The following ARHGAP8 variants were observed in gnomAD, a reference collection of about 807,000 sequenced individuals.
The protein encoded by ARHGAP8 is rho GTPase-activating protein 8.
In ARHGAP8, 62 loss-of-function variants were observed where a neutral mutation model predicts 46.1. The observed-to-expected ratio is 1.34, with a 90% CI of 1.10 to 1.66. The LOEUF is 1.66. Among genes scored for constraint, ARHGAP8 ranks in the 40% most tolerant of loss-of-function variants. The pLI is 0.00. For missense variants in ARHGAP8, 923 were observed against 568.4 expected, an observed-to-expected ratio of 1.62 and a Z score of -6.34; for synonymous variants, 375 against 243.1, an observed-to-expected ratio of 1.54 and a Z score of -5.05.
At chr22:44,770,001 T>C (rs1044470388) in intron 1 of ARHGAP8, among the ~76,000 whole-genome samples, 5 of 152,000 alleles carry the variant, frequency 3.3e-5, no homozygotes, top group African/African-American at 1.2e-4. Flanking sequence ...ATGCCAGCAC[T>C]TTGGGAGGCC....
At position 44,845,786 on chromosome 22, in the gene ARHGAP8, G is replaced by T. The variant is rs367866545; in HGVS notation, c.670+444G>T. ...GGTGCAGTCAAGAACTTGGAGTGGG[G>T]TGAGCCTTGTGGGCTCTCCACAGCT... is the stretch of plus-strand genomic sequence containing the variant. On this transcript the variant is annotated intron_variant, in intron 8 of 11. Coordinates refer to ENST00000356099, the MANE Select transcript of ARHGAP8 (RefSeq NM_181335.3). 5.9e-5 allele frequency among the ~76,000 whole-genome samples: 9 copies of T among 152,180 alleles called. No individual in the cohort carries two copies. In the East Asian group the frequency reaches 1.3e-3, roughly 23 times the overall value.
chr22:44,791,231 T>C (rs1569146914), intron 2 of ARHGAP8, among the ~76,000 whole-genome samples: 2 of 152,032 alleles, frequency 1.3e-5, no homozygotes, highest in African/African-American at 2.4e-5. Context: ...TCCGTGTCAT[T>C]AGGGGGCTGT....
At chr22:44,781,128 C>T (rs1254144148) in intron 1 of ARHGAP8, among the ~76,000 whole-genome samples, 2 of 152,132 alleles carry the variant, frequency 1.3e-5, no homozygotes, top group African/African-American at 2.4e-5. Context: ...TAACCAGAGG[C>T]GATCTTAAGA....
chr22:44,777,792 C>T (rs1926530015), intron 1 of ARHGAP8, among the ~76,000 whole-genome samples: 1 of 152,074 alleles, frequency 6.6e-6, no homozygotes, highest in Non-Finnish European at 1.5e-5. Flanking sequence ...GCCTCCCGGG[C>T]TCAAGCGGTT....
intron 3 of ARHGAP8, among the ~76,000 whole-genome samples, chr22:44,806,043 G>A (rs1222238229): frequency 6.6e-6 from 1 of 152,174 alleles, no homozygotes; most frequent in African/African-American, 2.4e-5. Context: ...ACAAGGAGGC[G>A]CCCAGAGTGG....
intron 7 of ARHGAP8, among the ~76,000 whole-genome samples, chr22:44,826,030 C>T (rs896413974): frequency 2.6e-5 from 4 of 152,060 alleles, no homozygotes; most frequent in African/African-American, 9.7e-5. Context: ...TCCATCACTG[C>T]TGCCCCCTGC....
intron 10 of ARHGAP8, among the ~76,000 whole-genome samples, chr22:44,856,529 C>A (rs915722065): frequency 6.6e-6 from 1 of 152,096 alleles, no homozygotes; most frequent in Non-Finnish European, 1.5e-5. Context: ...CCGTCTCGGC[C>A]TTCCAAAGTG....
At chr22:44,847,448 C>T (rs940174597) in intron 8 of ARHGAP8, among the ~76,000 whole-genome samples, 1 of 152,212 alleles carries the variant, frequency 6.6e-6, no homozygotes, top group Non-Finnish European at 1.5e-5. Flanking sequence ...TCATATGAGG[C>T]TCATGCAATT....
chr22:44,806,299 G>A (rs889467140), intron 3 of ARHGAP8, among the ~76,000 whole-genome samples: 3 of 152,208 alleles, frequency 2.0e-5, no homozygotes, highest in African/African-American at 4.8e-5. Flanking sequence ...GTTCGAGACA[G>A]CACTCTGGAA....
At chr22:44,766,985 G>A (rs1413746451) in intron 1 of ARHGAP8, among the ~76,000 whole-genome samples, 1 of 152,308 alleles carries the variant, frequency 6.6e-6, no homozygotes, top group East Asian at 1.9e-4. Context: ...CCACTGCTTG[G>A]CTCCAAAACC....
At chr22:44,809,304 C>A in intron 4 of ARHGAP8, 1 of 423,024 alleles carries the variant, frequency 2.4e-6, no homozygotes, top group South Asian at 1.8e-5. Context: ...CACTTAAAAA[C>A]ATAAAAAGCC....
intron 11 of ARHGAP8, among the ~76,000 whole-genome samples, chr22:44,860,867 G>C (rs1382883213): frequency 6.6e-6 from 1 of 152,194 alleles, no homozygotes; most frequent in Non-Finnish European, 1.5e-5. Flanking sequence ...GGCTGTGCAG[G>C]GTGAGGAGAG....
At chr22:44,775,992 A>G (rs902665475) in intron 1 of ARHGAP8, among the ~76,000 whole-genome samples, 1 of 152,120 alleles carries the variant, frequency 6.6e-6, no homozygotes, top group Non-Finnish European at 1.5e-5. Context: ...CTGGTCACTC[A>G]TGGAGTGAGT....
chr22:44,826,535 C>T (rs545718046), intron 7 of ARHGAP8, among the ~76,000 whole-genome samples: 2 of 152,282 alleles, frequency 1.3e-5, no homozygotes, highest in Admixed American at 6.5e-5. Context: ...AGCTATTCTC[C>T]TGCCTTAGCC....
intron 2 of ARHGAP8, among the ~76,000 whole-genome samples, chr22:44,799,287 C>T (rs1928315184): frequency 6.6e-6 from 1 of 152,262 alleles, no homozygotes; most frequent in African/African-American, 2.4e-5. Context: ...CCCTCCTGGG[C>T]CTGTACCACT....
At chr22:44,838,415 C>T (rs112803382) in intron 7 of ARHGAP8, among the ~76,000 whole-genome samples, 4,602 of 152,164 alleles carry the variant, frequency 0.03, 97 homozygotes, top group African/African-American at 0.054. Flanking sequence ...GGACTACAGG[C>T]GTGAGCCACC....
At position 44,862,146 on chromosome 22, in the gene ARHGAP8, C is replaced by G. The variant is rs1003104213; in HGVS notation, c.982-129C>G. On this transcript the variant is annotated intron_variant, in intron 11 of 11. Transcript: ENST00000356099. Reference sequence around the variant, plus strand: ...AGGTGGCTGCACAGGGTCCCCATTACTGGCTGCCGGCTCCCAGTCCAGTGC... The same window carrying G: ...AGGTGGCTGCACAGGGTCCCCATTAGTGGCTGCCGGCTCCCAGTCCAGTGC... 4.7e-5 allele frequency: 54 copies of G among 1,154,764 alleles called. 1 individual carries two copies. In the South Asian group the frequency reaches 6.1e-4, roughly 13 times the overall value. The allele number at this position is 1,154,764 out of a possible 1,614,324, so 71.5% of individuals were successfully genotyped here. A position where few individuals can be genotyped will look rare whatever the true frequency, so the allele number is the denominator to read the frequency against.
chr22:44,760,366 A>C (rs867386513), intron 1 of ARHGAP8, among the ~76,000 whole-genome samples: 1 of 152,170 alleles, frequency 6.6e-6, no homozygotes, highest in African/African-American at 2.4e-5. Context: ...TGCCCCCATC[A>C]TTCCTGGACT....
chr22:44,786,439 T>C lies in ARHGAP8; in HGVS notation c.-71-18T>C, dbSNP rs1194136253. On this transcript the variant is annotated intron_variant, in intron 1 of 11. Transcript: ENST00000356099. The stretch of plus-strand genomic sequence containing the variant: ...TACTGGAGAATGCACTGACTTCCTT[T>C]AATCTTCTTTGCCGCAGAGCTGCAG... The C allele has an allele frequency of 6.5e-7, 1 of 1,543,438 alleles. No individual in the cohort carries two copies. The highest frequency in any genetic ancestry group is 1.2e-5 in the South Asian group (1 of 83,574).
Sources: allele counts gnomAD v4.1 joint callset (sites outside exome capture counted in the v4.1 genomes callset), GRCh38; gene constraint gnomAD v4.1.1; transcripts MANE v1.5; gene names NCBI Gene and HGNC (gene_info 2026-07-23, HGNC 2026-07-21).